Variants in NPIPB11 observed in about 807,000 individuals in gnomAD.
NPIPB11 encodes the protein nuclear pore complex-interacting protein family member B11.
Under a neutral mutation model 32.8 loss-of-function variants are expected in NPIPB11, and 17 were observed. That is an observed-to-expected ratio of 0.52 (90% CI 0.35 to 0.78). The LOEUF is 0.78. Ranked by LOEUF, NPIPB11 falls within the 30% of genes least tolerant of loss-of-function variation. The probability of loss-of-function intolerance (pLI) is 0.01; values close to 1 mark genes in which losing one functional copy is unlikely to be tolerated. For synonymous variants in NPIPB11, 209 were observed against 398.4 expected (o/e 0.52, Z 5.66); for missense variants, 537 against 1,000.4 (o/e 0.54, Z 6.25).
At chr16:29,390,423 G>A (rs1158332608) in intron 3 of NPIPB11, 75 bp from the exon 4 acceptor site, 65 of 1,594,420 alleles carry the variant, frequency 4.1e-5, no homozygotes, top group Non-Finnish European at 5.3e-5. Flanking sequence ...TCGGGAAGCT[G>A]AGGCAGGTGG....
chr16:29,398,364 A>G, intron 2 of NPIPB11: 1 of 591,598 alleles, frequency 1.7e-6, no homozygotes, highest in African/African-American at 2.1e-5. Flanking sequence ...CCTCATACCC[A>G]AGCAGAGTGC....
intron 3 of NPIPB11, 136 bp downstream of exon 3, chr16:29,393,812 T>G: frequency 8.1e-7 from 1 of 1,230,786 alleles, no homozygotes; most frequent in Non-Finnish European, 1.1e-6. Flanking sequence ...ATAATTCTTA[T>G]GCTAATAAAT....
chr16:29,383,205 G>A (rs1339950514), exon 8 of NPIPB11: 1 of 1,567,392 alleles, frequency 6.4e-7, no homozygotes, highest in South Asian at 1.1e-5. Context: ...ATTATCATCT[G>A]CTGAGGGTGG....
At chr16:29,383,226 G>A in exon 8 of NPIPB11, 1 of 1,565,736 alleles carries the variant, frequency 6.4e-7, no homozygotes, top group South Asian at 1.1e-5. Context: ...AGCTGAGGGT[G>A]GAAGGGGAGT....
chr16:29,392,012 C>T (rs1328458445), intron 3 of NPIPB11, among the ~76,000 whole-genome samples: 1 of 152,100 alleles, frequency 6.6e-6, no homozygotes, highest in Non-Finnish European at 1.5e-5. Flanking sequence ...TGAGCCACCA[C>T]ACCTGGCCTG....
At chr16:29,397,617 C>A (rs1488191385) in intron 2 of NPIPB11, 14 of 1,445,612 alleles carry the variant, frequency 9.7e-6, no homozygotes, top group East Asian at 2.7e-5. Flanking sequence ...AAAGAGGAGC[C>A]AAAAGAGCAT....
At chr16:29,393,373 T>G (rs945338955) in intron 3 of NPIPB11, among the ~76,000 whole-genome samples, 5 of 151,290 alleles carry the variant, frequency 3.3e-5, no homozygotes, top group African/African-American at 1.2e-4. Context: ...CCTCTTTCAT[T>G]TCCCCTAAAA....
chr16:29,390,446 G>C, intron 3 of NPIPB11, 98 bp from the exon 4 acceptor site: 1 of 1,574,866 alleles, frequency 6.3e-7, no homozygotes. Flanking sequence ...CACGGGGTCA[G>C]GAGCAAGACC....
At chr16:29,399,521 G>A (rs2142136810) in intron 2 of NPIPB11, among the ~76,000 whole-genome samples, 1 of 149,166 alleles carries the variant, frequency 6.7e-6, no homozygotes, top group East Asian at 2.0e-4. Flanking sequence ...CCAATATGGT[G>A]AAACCCTGTC....
upstream of NPIPB11, among the ~76,000 whole-genome samples, chr16:29,406,431 T>C (rs1427255632): frequency 5.3e-5 from 8 of 152,234 alleles, no homozygotes; most frequent in African/African-American, 9.6e-5. Context: ...AAACACGTCA[T>C]GAATGGCTGG....
At chr16:29,399,885 T>C (rs1364211992) in intron 2 of NPIPB11, among the ~76,000 whole-genome samples, 2 of 151,994 alleles carry the variant, frequency 1.3e-5, no homozygotes, top group Admixed American at 6.6e-5. Flanking sequence ...GAGACCAGCC[T>C]GACCAACATG....
chr16:29,393,117 AC>A (rs1963762041), intron 3 of NPIPB11, among the ~76,000 whole-genome samples: 2 of 151,080 alleles, frequency 1.3e-5, no homozygotes. Flanking sequence ...CCAAGTACAG[AC>A]TTTTGACATA....
Position 29,396,358 on chromosome 16 carries a change from T to C in NPIPB11, c.121-2282A>G. On this transcript the variant is annotated intron_variant, in intron 2 of 7. Coordinates refer to ENST00000524087, the Ensembl canonical transcript of NPIPB11. ...CAAAGCAGACACAAAAGAGTACCTATGGCATGGCATGCATCTGTATACGCG... is the reference window on the plus strand; with the variant it reads ...CAAAGCAGACACAAAAGAGTACCTACGGCATGGCATGCATCTGTATACGCG... Among the ~76,000 whole-genome samples, 5 of 150,576 alleles carry C rather than the reference T, an allele frequency of 3.3e-5. No homozygotes were observed. The South Asian group carries it at 1.0e-3, about 32-fold the overall frequency.
rs752392140 is a variant in NPIPB11 at position 29,383,165 on chromosome 16, G to A, written c.1767C>T (p.Phe589=). ...TTATCATCCGCTGAGGGTGGAAGCG[G>A]AACTGCAGATGCTCGGCAGGTGTCT... The change falls in exon 8 of 8, where the codon TTC becomes TTT. Residue 589 remains phenylalanine, a synonymous_variant. Transcript: ENST00000524087. 1.9e-6 allele frequency: 3 copies of A among 1,595,236 alleles called. No homozygotes were observed. The African/African-American group carries it at 4.1e-5, about 22-fold the overall frequency.
chr16:29,399,895 G>C (rs1191646662), intron 2 of NPIPB11, among the ~76,000 whole-genome samples: 1 of 152,020 alleles, frequency 6.6e-6, no homozygotes, highest in Non-Finnish European at 1.5e-5. Flanking sequence ...TGACCAACAT[G>C]GTGAAACCCC....
chr16:29,390,602 A>G (rs1963694183), intron 3 of NPIPB11, among the ~76,000 whole-genome samples: 1 of 150,114 alleles, frequency 6.7e-6, no homozygotes, highest in South Asian at 2.1e-4. Flanking sequence ...CAGTGAGCCG[A>G]GATCACACCA....
chr16:29,383,221 A>G, exon 8 of NPIPB11: 2 of 1,561,276 alleles, frequency 1.3e-6, no homozygotes, highest in Non-Finnish European at 1.7e-6. Flanking sequence ...GGTGGAGCTG[A>G]GGGTGGAAGG....
exon 8 of NPIPB11, chr16:29,383,180 G>C (rs544611817): frequency 1.2e-5 from 19 of 1,587,124 alleles, no homozygotes; most frequent in East Asian, 1.2e-4. Flanking sequence ...GCAGATGCTC[G>C]GCAGGTGTCT....
chr16:29,390,961 CAAA>C (rs1173802573), intron 3 of NPIPB11, among the ~76,000 whole-genome samples: 125 of 84,548 alleles, frequency 1.5e-3, no homozygotes, highest in African/African-American at 5.2e-3. Context: ...GAAACTGTCT[CAAA>C]AAAAAAAAAA....
Sources: allele counts gnomAD v4.1 joint callset (sites outside exome capture counted in the v4.1 genomes callset), GRCh38; gene constraint gnomAD v4.1.1; transcripts MANE v1.5; gene names NCBI Gene and HGNC (gene_info 2026-07-23, HGNC 2026-07-21).